The following STXBP5 variants were observed in gnomAD, a reference collection of about 807,000 sequenced individuals.
The protein encoded by STXBP5 is syntaxin-binding protein 5.
A neutral mutation model predicts 152.4 loss-of-function variants in STXBP5; 50 were observed. The observed-to-expected ratio is 0.33, with a 90% CI of 0.26 to 0.42. The LOEUF (loss-of-function observed/expected upper bound fraction) is 0.42. Among genes scored for constraint, STXBP5 ranks in the 10% least tolerant of loss-of-function variants. The probability of loss-of-function intolerance (pLI) is 1.00; values close to 1 mark genes in which losing one functional copy is unlikely to be tolerated. For missense variants in STXBP5, 1,167 were observed against 1,388.6 expected (o/e 0.84, Z 2.54); for synonymous variants, 492 against 494.7 (o/e 0.99, Z 0.07).
intron 25 of STXBP5, among the ~76,000 whole-genome samples, chr6:147,364,761 C>T (rs1285220146): frequency 2.6e-5 from 4 of 152,072 alleles, no homozygotes; most frequent in East Asian, 1.9e-4. Flanking sequence ...TAAAAGTGCT[C>T]TGGAAATATT....
At chr6:147,328,120 A>G (rs79211513) in intron 18 of STXBP5, among the ~76,000 whole-genome samples, 5,395 of 152,280 alleles carry the variant, frequency 0.035, 147 homozygotes, top group Admixed American at 0.054. Context: ...CTACTGTAAT[A>G]CCTCAAGGTA....
chr6:147,372,843 A>T (rs1785626000), intron 25 of STXBP5, among the ~76,000 whole-genome samples: 1 of 152,138 alleles, frequency 6.6e-6, no homozygotes, highest in African/African-American at 2.4e-5. Context: ...ACTCTAAAAA[A>T]TATTGACAGT....
At chr6:147,299,181 A>C (rs1781681802) in intron 9 of STXBP5, among the ~76,000 whole-genome samples, 1 of 151,860 alleles carries the variant, frequency 6.6e-6, no homozygotes, top group South Asian at 2.1e-4. Flanking sequence ...GAAACATTAC[A>C]ACCCGTACAA....
At chr6:147,216,144 C>A (rs1016845219) in intron 2 of STXBP5, among the ~76,000 whole-genome samples, 2 of 152,150 alleles carry the variant, frequency 1.3e-5, no homozygotes, top group Non-Finnish European at 2.9e-5. Flanking sequence ...GTAATCCCAG[C>A]GCTTTGGGAG....
chr6:147,273,845 G>A (rs948051387), intron 7 of STXBP5, among the ~76,000 whole-genome samples: 1 of 151,898 alleles, frequency 6.6e-6, no homozygotes, highest in Admixed American at 6.6e-5. Context: ...CCAGCTACTC[G>A]GGAGGCTGAG....
intron 2 of STXBP5, among the ~76,000 whole-genome samples, chr6:147,219,838 G>A (rs1406043182): frequency 1.1e-5 from 1 of 93,420 alleles, no homozygotes; most frequent in Non-Finnish European, 2.1e-5. Flanking sequence ...GCAGCTTTTA[G>A]TTTTGTTGAT....
intron 8 of STXBP5, among the ~76,000 whole-genome samples, chr6:147,285,980 A>G (rs1021116466): frequency 1.3e-5 from 2 of 152,216 alleles, no homozygotes; most frequent in Non-Finnish European, 2.9e-5. Flanking sequence ...TGGTAGAAAG[A>G]GGATAAAAGC....
At chr6:147,359,371 T>G in intron 23 of STXBP5, 48 bp downstream of exon 23, 1 of 1,570,060 alleles carries the variant, frequency 6.4e-7, no homozygotes, top group South Asian at 1.2e-5. Context: ...TGTGATTTAC[T>G]ATGATAGAAG....
chr6:147,254,098 A>G (rs1019197213), intron 4 of STXBP5, among the ~76,000 whole-genome samples: 12 of 152,314 alleles, frequency 7.9e-5, no homozygotes, highest in South Asian at 4.1e-4. Context: ...AAACAGATAC[A>G]TAGACCAATG....
intron 9 of STXBP5, among the ~76,000 whole-genome samples, chr6:147,296,381 G>A (rs1205251882): frequency 6.6e-6 from 1 of 152,098 alleles, no homozygotes; most frequent in Non-Finnish European, 1.5e-5. Context: ...GGCTGACATG[G>A]ATTACAGCTG....
At chr6:147,244,623 C>CATTTAGTTAATA (rs1482136390) in intron 4 of STXBP5, among the ~76,000 whole-genome samples, 4 of 151,844 alleles carry the variant, frequency 2.6e-5, no homozygotes, top group Non-Finnish European at 5.9e-5. Context: ...AATGGCATGC[C>CATTTAGTTAATA]CTAGCGTCAA....
intron 15 of STXBP5, 87 bp downstream of exon 15, chr6:147,315,822 C>A: frequency 1.7e-6 from 2 of 1,203,322 alleles, no homozygotes; most frequent in South Asian, 2.8e-5. Context: ...TTTTTGCAGT[C>A]AGTTTTGTGC....
At chr6:147,266,264 C>T (rs1779886982) in intron 6 of STXBP5, among the ~76,000 whole-genome samples, 1 of 151,926 alleles carries the variant, frequency 6.6e-6, no homozygotes, top group Admixed American at 6.6e-5. Flanking sequence ...AATGGTGTGG[C>T]ATTTAAAAGT....
intron 26 of STXBP5, among the ~76,000 whole-genome samples, chr6:147,374,616 T>C (rs1373185328): frequency 6.6e-6 from 1 of 152,152 alleles, no homozygotes; most frequent in African/African-American, 2.4e-5. Flanking sequence ...AAAACGTATT[T>C]CTAAAATTTG....
chr6:147,294,566 G>A (rs1183392070), intron 9 of STXBP5, among the ~76,000 whole-genome samples: 1 of 151,864 alleles, frequency 6.6e-6, no homozygotes, highest in African/African-American at 2.4e-5. Flanking sequence ...TGTACAAGTG[G>A]CAAGGTTGAC....
chr6:147,361,301 A>G (rs771696958), intron 23 of STXBP5, among the ~76,000 whole-genome samples: 1 of 152,198 alleles, frequency 6.6e-6, no homozygotes, highest in Non-Finnish European at 1.5e-5. Flanking sequence ...GATTAAATAT[A>G]GATAATTTAC....
chr6:147,326,667 C>T (rs1783273843), intron 17 of STXBP5, among the ~76,000 whole-genome samples: 2 of 152,152 alleles, frequency 1.3e-5, no homozygotes, highest in African/African-American at 4.8e-5. Flanking sequence ...GTATTTAGAA[C>T]ACCCCAAAGG....
Position 147,386,120 on chromosome 6 carries a change from A to C in STXBP5, c.*1365A>C, listed in dbSNP as rs1018875013. ...AGGAAAGAAACCACCTAGTAGATCTAGAAGTAAGCAATCTCAGAATACAGA... is the reference window on the plus strand; with the variant it reads ...AGGAAAGAAACCACCTAGTAGATCTCGAAGTAAGCAATCTCAGAATACAGA... On this transcript the variant is annotated 3_prime_UTR_variant, in exon 28 of 28. Transcript: ENST00000321680. 1 of 152,062 alleles carries C rather than the reference A, an allele frequency of 6.6e-6. No homozygotes were observed. Among genetic ancestry groups the C allele is most frequent in the African/African-American group, 2.4e-5 (1 of 41,452 alleles). 9.4% of individuals were successfully genotyped at this position (152,062 alleles called of 1,614,324 possible).
rs142980228 is a variant in STXBP5, at chr6:147,252,731, C to T, written c.432-7884C>T. Among the ~76,000 whole-genome samples the T allele has an allele frequency of 2.0e-4, 30 of 152,192 alleles. 1 individual carries two copies. In the East Asian group the frequency reaches 5.8e-3, roughly 29 times the overall value. On this transcript the variant is annotated intron_variant, in intron 4 of 27. Transcript: ENST00000321680. Reference sequence around the variant, plus strand: ...AATTCAGGAAATTCAGAGAACACCACGAAGATACTCCTCGAGAAGTGCAAC... The same window carrying T: ...AATTCAGGAAATTCAGAGAACACCATGAAGATACTCCTCGAGAAGTGCAAC...
Sources: gnomAD v4.1 joint callset for allele counts (sites outside exome capture counted in the v4.1 genomes callset) on GRCh38, gnomAD v4.1.1 for gene constraint, MANE v1.5 for transcripts, NCBI Gene and HGNC (gene_info 2026-07-23, HGNC 2026-07-21) for gene names.